The following MATR3 variants were observed in gnomAD, a reference collection of about 807,000 sequenced individuals.
MATR3 encodes the protein matrin 3, also known as matrin-3.
In MATR3, 4 loss-of-function variants were observed where a neutral mutation model predicts 85.5. The ratio of observed to expected loss-of-function variants is 0.05; its 90% confidence interval spans 0.02 to 0.11. The LOEUF is 0.11. Ranked by LOEUF, MATR3 falls within the 10% of genes least tolerant of loss-of-function variation. The pLI, the probability that MATR3 is intolerant of heterozygous loss-of-function variation, is 1.00. For synonymous variants in MATR3, 336 were observed against 343.1 expected (o/e 0.98, Z 0.23); for missense variants, 685 against 1,016.1 (o/e 0.67, Z 4.43).
chr5:139,329,107 G>A (rs1000873314), intron 14 of MATR3, among the ~76,000 whole-genome samples: 3 of 151,934 alleles, frequency 2.0e-5, no homozygotes, highest in African/African-American at 7.3e-5. Flanking sequence ...TAAAAATTAG[G>A]GTTAATTATA....
At chr5:139,279,021 C>T (rs1223246347) in intron 2 of MATR3, 1 of 507,454 alleles carries the variant, frequency 2.0e-6, no homozygotes, top group Admixed American at 2.0e-5. Context: ...TTAGGGACAG[C>T]CTGTCATTCT....
upstream of MATR3, among the ~76,000 whole-genome samples, chr5:139,290,429 C>T (rs1469073015): frequency 3.3e-5 from 3 of 90,706 alleles, no homozygotes; most frequent in African/African-American, 5.7e-5. Context: ...GCCACTGCGC[C>T]TGGCCGCTCT....
chr5:139,322,036 A>G lies in MATR3; in HGVS notation c.1734+7A>G, dbSNP rs763857350. 5 of 1,613,780 alleles carry G rather than the reference A, an allele frequency of 3.1e-6. No homozygotes were observed. The South Asian group carries it at 3.3e-5, about 11-fold the overall frequency. On this transcript the variant is annotated splice_region_variant and intron_variant, in intron 10 of 14. Transcript: ENST00000394805. ...TAAAAAACTGGTTCTGAGGGTATGT[A>G]GTATTTGATTTGTCATCATTTAACA... is the stretch of plus-strand genomic sequence containing the variant.
upstream of MATR3, among the ~76,000 whole-genome samples, chr5:139,291,568 G>C (rs2151907748): frequency 6.6e-6 from 1 of 152,206 alleles, no homozygotes; most frequent in South Asian, 2.1e-4. Context: ...ACGGAGTTTT[G>C]CTTTTGTTGC....
rs1754759694 is a variant in MATR3 at position 139,307,317 on chromosome 5, G to A, written c.-99G>A. ...TTTTCTTGGCGTTACCATTTTTGAA[G>A]CAAAGTTAACCTAGCTTTCTAGTTT... On this transcript the variant is annotated 5_prime_UTR_variant, in exon 2 of 15. Transcript: ENST00000394805. The surrounding 1 kb of genome is among the most constrained non-coding windows in gnomAD (Gnocchi z 4.4). 39 of 1,492,174 alleles carry A rather than the reference G, an allele frequency of 2.6e-5. No individual in the cohort carries two copies. Among genetic ancestry groups the A allele is most frequent in the Non-Finnish European group, 3.4e-5 (39 of 1,130,936 alleles). The allele number at this position is 1,492,174 out of a possible 1,614,324, so 92.4% of individuals were successfully genotyped here. A position where few individuals can be genotyped will look rare whatever the true frequency, so the allele number is the denominator to read the frequency against.
intron 2 of MATR3, chr5:139,314,309 T>G (rs1213096148): frequency 3.4e-6 from 1 of 293,654 alleles, no homozygotes; most frequent in African/African-American, 2.2e-5. Context: ...CAGAGTGCTA[T>G]AAAGTAGCAT....
At chr5:139,318,112 C>T (rs756093629) in intron 7 of MATR3, among the ~76,000 whole-genome samples, 24 of 152,094 alleles carry the variant, frequency 1.6e-4, no homozygotes, top group Non-Finnish European at 3.2e-4. Context: ...AGCAAATTGG[C>T]AACACTGTTT....
intron 3 of MATR3, among the ~76,000 whole-genome samples, chr5:139,287,357 G>C (rs1412732215): frequency 6.6e-6 from 1 of 152,172 alleles, no homozygotes; most frequent in East Asian, 1.9e-4. Context: ...GGAGGCTCAC[G>C]CCTGTAATCC....
chr5:139,274,585 G>T (rs987508158), intron 1 of MATR3, among the ~76,000 whole-genome samples: 3 of 152,214 alleles, frequency 2.0e-5, no homozygotes, highest in Admixed American at 1.3e-4. Context: ...GAGGAAGTCA[G>T]GAGTGAAATT....
intron 2 of MATR3, chr5:139,278,295 A>AGT: frequency 2.2e-6 from 1 of 453,956 alleles, no homozygotes; most frequent in Admixed American, 2.4e-5. Context: ...TCTGTGTACT[A>AGT]GATCACTAAG....
rs759370007 is a variant in MATR3, at chr5:139,294,061, C to T, written c.-178+256C>T. 1.7e-5 allele frequency: 22 copies of T among 1,269,544 alleles called. No homozygotes were observed. In the African/African-American group the frequency reaches 2.6e-4, roughly 15 times the overall value. The allele number at this position is 1,269,544 out of a possible 1,614,324, so 78.6% of individuals were successfully genotyped here. A position where few individuals can be genotyped will look rare whatever the true frequency, so the allele number is the denominator to read the frequency against. ...GTCCGGGAGGGAAACACGCGGCCGG[C>T]CAAGGGCCCAGGGTGCGGCGGGAGA... On this transcript the variant is annotated intron_variant, in intron 1 of 14. Coordinates refer to ENST00000394805, the MANE Select transcript of MATR3 (RefSeq NM_018834.6).
chr5:139,292,201 A>T (rs1310817626), upstream of MATR3: 1 of 151,986 alleles, frequency 6.6e-6, no homozygotes. Context: ...AACTCAAGTG[A>T]TCCACCCGCC....
At chr5:139,296,389 T>C (rs974468510) in intron 1 of MATR3, among the ~76,000 whole-genome samples, 1 of 152,140 alleles carries the variant, frequency 6.6e-6, no homozygotes, top group African/African-American at 2.4e-5. Flanking sequence ...AATGTAAACA[T>C]GAAAATAGAG....
In MATR3 at chr5:139,329,357, A is replaced by C; in HGVS notation, c.2506A>C (p.Lys836Gln). ...HYQKLKKFLNKLAEERRQKKE... is the reference protein window; with the variant it reads ...HYQKLKKFLNQLAEERRQKKE... ...TCTTTCTTTATAGAAATTTCTGAAT[A>C]AATTGGCAGAAGAACGCAGACAGAA... Residue 836 changes from lysine to glutamine, a missense_variant, in exon 15 of 15, where the codon AAA becomes CAA. By Grantham distance (53) the Lys-to-Gln change is moderately conservative (BLOSUM62 1). Coordinates refer to ENST00000394805, the MANE Select transcript of MATR3 (RefSeq NM_018834.6). 6.2e-7 allele frequency: 1 copy of C among 1,611,806 alleles called. No individual in the cohort carries two copies.
chr5:139,310,109 T>A (rs1331118172), intron 2 of MATR3: 1 of 152,202 alleles, frequency 6.6e-6, no homozygotes, highest in East Asian at 1.9e-4. Flanking sequence ...CTTTTTTCCT[T>A]CAAATTTTGC....
chr5:139,322,318 G>A (rs1278671561), intron 10 of MATR3, 145 bp from the exon 11 acceptor site: 1 of 818,866 alleles, frequency 1.2e-6, no homozygotes, highest in Non-Finnish European at 2.0e-6. Flanking sequence ...CATGATGAAT[G>A]TCTGTAGGCA....
At chr5:139,321,814 A>G (rs1160919231) in intron 9 of MATR3, 84 bp from the exon 10 acceptor site, 1 of 1,400,544 alleles carries the variant, frequency 7.1e-7, no homozygotes, top group Non-Finnish European at 9.8e-7. Context: ...AAATTTTCTA[A>G]CCAGTAGGTA....
chr5:139,305,198 T>A (rs1461329207), intron 1 of MATR3, among the ~76,000 whole-genome samples: 1 of 152,234 alleles, frequency 6.6e-6, no homozygotes, highest in East Asian at 1.9e-4. Context: ...TGAGTTTTTC[T>A]GACATTCATT....
chr5:139,306,316 ATTC>A (rs774469923), intron 1 of MATR3, among the ~76,000 whole-genome samples: 114 of 152,324 alleles, frequency 7.5e-4, no homozygotes, highest in Non-Finnish European at 8.1e-4. Context: ...GATTTGGGCT[ATTC>A]TTGTGAAAAG....
Sources: allele counts gnomAD v4.1 joint callset (sites outside exome capture counted in the v4.1 genomes callset), GRCh38; gene constraint gnomAD v4.1.1; non-coding constraint Gnocchi (gnomAD v3.1); transcripts MANE v1.5; gene names NCBI Gene and HGNC (gene_info 2026-07-23, HGNC 2026-07-21).